The following IL17RA variants were observed in gnomAD, a reference collection of about 807,000 sequenced individuals.
IL17RA encodes the protein interleukin 17 receptor A, also known as interleukin-17 receptor A.
A neutral mutation model predicts 50.4 loss-of-function variants in IL17RA; 34 were observed. That is an observed-to-expected ratio of 0.67 (90% CI 0.51 to 0.90). The LOEUF is 0.90. Among genes scored for constraint, IL17RA ranks in the 40% least tolerant of loss-of-function variants. The pLI is 0.00. For synonymous variants in IL17RA, 585 were observed against 510.4 expected (o/e 1.15, Z -1.97); for missense variants, 1,276 against 1,169.8 (o/e 1.09, Z -1.32).
chr22:17,094,656 A>ACT lies in IL17RA; in HGVS notation c.139-2371_139-2370dup, dbSNP rs1207841287. Among the ~76,000 whole-genome samples, 113 of 29,238 alleles carry ACT rather than the reference A, an allele frequency of 3.9e-3. 3 individuals carry two copies. Among genetic ancestry groups the ACT allele is most frequent in the Middle Eastern group, 0.056 (2 of 36 alleles). 19.2% of individuals were successfully genotyped at this position (29,238 alleles called of 152,430 possible). On this transcript the variant is annotated intron_variant, in intron 1 of 12. Transcript: ENST00000319363. ...TCTATTCTCATTTAGTCATACACAC[A>ACT]CTCTCTCTCTCTCTCTCTCTCTCTC... is the stretch of plus-strand genomic sequence containing the variant.
rs929543456 is a variant in IL17RA, at chr22:17,111,620, T to C, written c.*1800T>C. The C allele has an allele frequency of 6.6e-6, 1 of 152,198 alleles. No homozygotes were observed. Among genetic ancestry groups the C allele is most frequent in the Non-Finnish European group, 1.5e-5 (1 of 68,028 alleles). The allele number at this position is 152,198 out of a possible 1,614,324, so 9.4% of individuals were successfully genotyped here. On this transcript the variant is annotated 3_prime_UTR_variant, in exon 13 of 13. Coordinates refer to ENST00000319363, the MANE Select transcript of IL17RA (RefSeq NM_014339.7). ...ATTGAGGTGCCGTCTGACACTGGAA[T>C]AGGGTGCCCTTCATTCCTATGCCTG...
chr22:17,108,442 C>A lies in IL17RA; in HGVS notation c.1223C>A (p.Thr408Lys). The A allele has an allele frequency of 6.2e-7, 1 of 1,613,946 alleles. No individual in the cohort carries two copies. The highest frequency in any genetic ancestry group is 8.5e-7 in the Non-Finnish European group (1 of 1,180,042). ...CAGTTCCTGCTCACCGCCTGCGGCA[C>A]GGAAGTGGCCCTGGACCTGCTGGAA... The part of the protein sequence containing the change: ...FAQFLLTACG[T>K]EVALDLLEEQ... The change falls in exon 13 of 13, where the codon ACG becomes AAG. Residue 408 changes from threonine (T) to lysine (K), a missense_variant. By Grantham distance (78) the Thr-to-Lys change is moderately conservative. Transcript: ENST00000319363.
At chr22:17,089,794 G>A (rs929672574) in intron 1 of IL17RA, among the ~76,000 whole-genome samples, 6 of 151,792 alleles carry the variant, frequency 4.0e-5, no homozygotes, top group Non-Finnish European at 5.9e-5. Flanking sequence ...GATCTCTTGC[G>A]CCCAAGAGGT....
intron 4 of IL17RA, among the ~76,000 whole-genome samples, chr22:17,099,925 C>T (rs939600157): frequency 8.5e-5 from 13 of 152,198 alleles, no homozygotes; most frequent in African/African-American, 2.9e-4. Context: ...CAAGAGGTTC[C>T]TGGCTTTTCC....
In IL17RA at chr22:17,110,040, T is replaced by C. The variant is rs1319063192; in HGVS notation, c.*220T>C. 4 of 587,116 alleles carry C rather than the reference T, an allele frequency of 6.8e-6. No homozygotes were observed. The highest frequency in any genetic ancestry group is 1.9e-5 in the African/African-American group (1 of 53,604). The allele number at this position is 587,116 out of a possible 1,614,324, so 36.4% of individuals were successfully genotyped here. ...CCCCAGGGGAATCCACACAGCCCGC[T>C]CCCAGGAGCTAATGGTAGAGCGTCC... is the stretch of plus-strand genomic sequence containing the variant. On this transcript the variant is annotated 3_prime_UTR_variant, in exon 13 of 13. Coordinates refer to ENST00000319363, the MANE Select transcript of IL17RA (RefSeq NM_014339.7).
chr22:17,096,727 G>A (rs1340713462), intron 1 of IL17RA, among the ~76,000 whole-genome samples: 1 of 152,148 alleles, frequency 6.6e-6, no homozygotes, highest in Non-Finnish European at 1.5e-5. Flanking sequence ...AAAAGTAGCC[G>A]GGCGTGGTGG....
intron 1 of IL17RA, 32 bp from the exon 2 acceptor site, chr22:17,097,030 C>T (rs1217804210): frequency 6.2e-7 from 1 of 1,609,132 alleles, no homozygotes; most frequent in African/African-American, 1.3e-5. Flanking sequence ...AGCCTTTTCC[C>T]AGCTGTAATA....
intron 1 of IL17RA, among the ~76,000 whole-genome samples, chr22:17,090,467 A>T (rs376019217): frequency 7.2e-5 from 11 of 152,300 alleles, no homozygotes; most frequent in African/African-American, 2.6e-4. Context: ...CAAGTTACGT[A>T]TGGTGATCCT....
At chr22:17,105,728 G>A in intron 10 of IL17RA, 125 bp from the exon 11 acceptor site, 4 of 1,392,698 alleles carry the variant, frequency 2.9e-6, no homozygotes, top group East Asian at 2.3e-5. Flanking sequence ...GGTGGGGGGT[G>A]AGACCATGGT....
intron 1 of IL17RA, among the ~76,000 whole-genome samples, chr22:17,093,080 TC>T (rs2061353639): frequency 2.6e-5 from 4 of 152,320 alleles, no homozygotes; most frequent in Admixed American, 1.3e-4. Flanking sequence ...GTTTTTTTTT[TC>T]CTTCCAGGAG....
chr22:17,094,684 T>TCTCC (rs1555873352), intron 1 of IL17RA, among the ~76,000 whole-genome samples: 1 of 69,556 alleles, frequency 1.4e-5, no homozygotes, highest in African/African-American at 6.7e-5. Context: ...TCTCTCTCTC[T>TCTCC]CTCTCTCTAT....
chr22:17,106,596 C>T (rs545738390), intron 11 of IL17RA, among the ~76,000 whole-genome samples: 22 of 152,334 alleles, frequency 1.4e-4, no homozygotes, highest in African/African-American at 4.6e-4. Context: ...AGTCCTAAGC[C>T]GGGAGAACAC....
rs1404472410 is a variant in IL17RA at position 17,110,389 on chromosome 22, T to C, written c.*569T>C. The C allele has an allele frequency of 6.1e-6, 1 of 163,284 alleles. No homozygotes were observed. The highest frequency in any genetic ancestry group is 1.4e-5 in the Non-Finnish European group (1 of 74,020). 10.1% of individuals were successfully genotyped at this position (163,284 alleles called of 1,614,324 possible). On this transcript the variant is annotated 3_prime_UTR_variant, in exon 13 of 13. Transcript: ENST00000319363. ...GACACATGCCTGTAGTCCTAGCTACTTGGGAGGCTGAGGCAGGAGAATTGC... is the reference window on the plus strand; with the variant it reads ...GACACATGCCTGTAGTCCTAGCTACCTGGGAGGCTGAGGCAGGAGAATTGC...
intron 7 of IL17RA, 82 bp downstream of exon 7, chr22:17,102,384 A>G (rs2123802877): frequency 6.6e-7 from 1 of 1,504,876 alleles, no homozygotes; most frequent in Non-Finnish European, 9.2e-7. Context: ...CTGGTCTGAC[A>G]GAACCGCGTT....
chr22:17,098,010 C>A, intron 3 of IL17RA, 67 bp downstream of exon 3: 1 of 1,593,198 alleles, frequency 6.3e-7, no homozygotes, highest in South Asian at 1.1e-5. Context: ...CCCAGTCAGG[C>A]TCAGGATTGG....
chr22:17,108,873 G>C lies in IL17RA; in HGVS notation c.1654G>C (p.Glu552Gln), dbSNP rs772976536. Residue 552 changes from glutamate (E) to glutamine (Q), a missense_variant, in exon 13 of 13, where the codon GAG (glutamate) becomes CAG (glutamine). Glu to Gln is a conservative substitution (Grantham distance 29). Coordinates refer to ENST00000319363, the MANE Select transcript of IL17RA (RefSeq NM_014339.7). Reference sequence around the variant, plus strand: ...GCCGGGCCGCATGCACCGCGTAGGGGAGCTGTCGGGGGACAACTACCTGCG... The same window carrying C: ...GCCGGGCCGCATGCACCGCGTAGGGCAGCTGTCGGGGGACAACTACCTGCG... ...FQPGRMHRVGELSGDNYLRSP... is the reference protein window; with the variant it reads ...FQPGRMHRVGQLSGDNYLRSP... The C allele has an allele frequency of 6.2e-7, 1 of 1,610,434 alleles. No homozygotes were observed. Among genetic ancestry groups the C allele is most frequent in the South Asian group, 1.1e-5 (1 of 90,622 alleles).
chr22:17,114,906 G>A lies in IL17RA; in HGVS notation c.*5086G>A, dbSNP rs2061460897. 1 of 152,276 alleles carries A rather than the reference G, an allele frequency of 6.6e-6. No individual in the cohort carries two copies. The highest frequency in any genetic ancestry group is 1.5e-5 in the Non-Finnish European group (1 of 68,064). 9.4% of individuals were successfully genotyped at this position (152,276 alleles called of 1,614,324 possible). ...CCTCTTTCTCGGCCTCAGGAAAATG[G>A]AGAGAAAGCAGCCCTGAAGGTGGCT... On this transcript the variant is annotated 3_prime_UTR_variant, in exon 13 of 13. Transcript: ENST00000319363.
In IL17RA at chr22:17,109,028, A is replaced by G. The variant is rs2061427333; in HGVS notation, c.1809A>G (p.Glu603=). The G allele has an allele frequency of 1.9e-6, 3 of 1,595,874 alleles. No individual in the cohort carries two copies. Among genetic ancestry groups the G allele is most frequent in the Non-Finnish European group, 1.7e-6 (2 of 1,178,136 alleles). The change falls in exon 13 of 13, where the codon GAA becomes GAG. Residue 603 remains glutamate (E), a synonymous_variant. Coordinates refer to ENST00000319363, the MANE Select transcript of IL17RA (RefSeq NM_014339.7). ...ADDQDAPSLD[E]EVFEEPLLPP... ...ACCAGGATGCCCCGTCCCTGGACGAAGAGGTGTTTGAGGAGCCACTGCTGC... is the reference window on the plus strand; with the variant it reads ...ACCAGGATGCCCCGTCCCTGGACGAGGAGGTGTTTGAGGAGCCACTGCTGC...
rs773064439 is a variant in IL17RA at position 17,108,782 on chromosome 22, G to A, written c.1563G>A (p.Pro521=). ...GDVPDLFGAA[P]RYPLMDRFEE... is the part of the protein sequence containing the mutation. ...TCCCCGACCTGTTCGGCGCGGCGCC[G>A]CGGTACCCGCTCATGGACAGGTTCG... Residue 521 remains proline, a synonymous_variant, in exon 13 of 13, where the codon CCG becomes CCA. Coordinates refer to ENST00000319363, the MANE Select transcript of IL17RA (RefSeq NM_014339.7). The A allele has an allele frequency of 1.2e-6, 2 of 1,607,360 alleles. No individual in the cohort carries two copies. Among genetic ancestry groups the A allele is most frequent in the Non-Finnish European group, 1.7e-6 (2 of 1,177,138 alleles).
Sources: gnomAD v4.1 joint callset for allele counts (sites outside exome capture counted in the v4.1 genomes callset) on GRCh38, gnomAD v4.1.1 for gene constraint, MANE v1.5 for transcripts, NCBI Gene and HGNC (gene_info 2026-07-23, HGNC 2026-07-21) for gene names.